Variants in SH3YL1 observed in about 807,000 individuals in gnomAD.
The protein encoded by SH3YL1 is SH3 and SYLF domain containing 1.
In SH3YL1, 41 loss-of-function variants were observed where a neutral mutation model predicts 45.8. The ratio of observed to expected loss-of-function variants is 0.89; its 90% CI spans 0.70 to 1.16. The LOEUF (loss-of-function observed/expected upper bound fraction) is 1.16. SH3YL1 is among the 50% of genes most tolerant of loss of function. SH3YL1 has a pLI of 0.00. For missense variants in SH3YL1, 389 were observed against 409.6 expected (o/e 0.95, Z 0.43); for synonymous variants, 152 against 151.4 (o/e 1.00, Z -0.03).
intron 1 of SH3YL1, chr2:260,970 T>A (rs1669566221): frequency 6.6e-6 from 1 of 152,208 alleles, no homozygotes; most frequent in Non-Finnish European, 1.5e-5. Context: ...ACCGCAAGAC[T>A]CATCCTAGAC....
In SH3YL1 at chr2:224,935, G is replaced by A. The variant is rs1667730655; in HGVS notation, c.782-15C>T. 1 of 1,605,616 alleles carries A rather than the reference G, an allele frequency of 6.2e-7. No individual in the cohort carries two copies. The highest frequency in any genetic ancestry group is 1.7e-4 in the Middle Eastern group (1 of 6,044). On this transcript the variant is annotated splice_polypyrimidine_tract_variant and intron_variant, in intron 8 of 9. Coordinates refer to ENST00000356150, the MANE Select transcript of SH3YL1 (RefSeq NM_015677.4). Reference sequence around the variant, plus strand: ...ATTTCTGTTACCTGCCAAAAAAGAGGAGAGTGGTGATTTTGAAAACTGATT... The same window carrying A: ...ATTTCTGTTACCTGCCAAAAAAGAGAAGAGTGGTGATTTTGAAAACTGATT...
At chr2:253,274 T>C (rs578099781) in intron 1 of SH3YL1, among the ~76,000 whole-genome samples, 159 bp from the exon 2 acceptor site, 1 of 152,204 alleles carries the variant, frequency 6.6e-6, no homozygotes, top group African/African-American at 2.4e-5. Flanking sequence ...TGAGACCTAC[T>C]GGGCTGCATT....
At chr2:242,188 G>A (rs1174265112) in intron 4 of SH3YL1, 1 of 151,918 alleles carries the variant, frequency 6.6e-6, no homozygotes, top group Non-Finnish European at 1.5e-5. Context: ...TGAATGAACA[G>A]AAACAATGGA....
chr2:253,417 TGAACGTGACC>T (rs1280547477), intron 1 of SH3YL1, among the ~76,000 whole-genome samples: 28 of 152,282 alleles, frequency 1.8e-4, no homozygotes, highest in East Asian at 7.7e-4. Flanking sequence ...AAGAAGGCAA[TGAACGTGACC>T]TCTGGTCATC....
At chr2:258,216 T>A (rs1206245193) in intron 1 of SH3YL1, among the ~76,000 whole-genome samples, 2 of 152,232 alleles carry the variant, frequency 1.3e-5, no homozygotes, top group Non-Finnish European at 2.9e-5. Flanking sequence ...ATAATAGGAA[T>A]AGTATTGAAT....
At chr2:251,663 G>A (rs963774498) in intron 2 of SH3YL1, among the ~76,000 whole-genome samples, 3 of 152,180 alleles carry the variant, frequency 2.0e-5, no homozygotes, top group Non-Finnish European at 2.9e-5. Flanking sequence ...AATGCAGACT[G>A]ATTTGTGACG....
chr2:243,645 G>A, intron 4 of SH3YL1: 5 of 1,439,764 alleles, frequency 3.5e-6, no homozygotes, highest in Middle Eastern at 3.6e-4. Context: ...TAAACTTTAA[G>A]CAACAGCCTT....
rs368537800 is a variant in SH3YL1 at position 242,712 on chromosome 2, T to C, written c.291+4826A>G. 24 of 1,414,564 alleles carry C rather than the reference T, an allele frequency of 1.7e-5. No individual in the cohort carries two copies. The East Asian group carries it at 3.4e-4, about 20-fold the overall frequency. 87.6% of individuals were successfully genotyped at this position (1,414,564 alleles called of 1,614,324 possible). On this transcript the variant is annotated intron_variant, in intron 4 of 9. Transcript: ENST00000356150. ...AACCAAATAAAAAGGCAGAGATTAT[T>C]AGCATGGATAAAACAACAATAACAA... is the stretch of plus-strand genomic sequence containing the variant.
At chr2:233,821 T>G (rs1668165098) in intron 5 of SH3YL1, among the ~76,000 whole-genome samples, 1 of 152,240 alleles carries the variant, frequency 6.6e-6, no homozygotes, top group African/African-American at 2.4e-5. Context: ...AAAAAAGCTC[T>G]TTCTTTCCTA....
chr2:250,440 G>A (rs1006328285), intron 2 of SH3YL1, among the ~76,000 whole-genome samples: 1 of 152,086 alleles, frequency 6.6e-6, no homozygotes, highest in African/African-American at 2.4e-5. Flanking sequence ...TTAGTACACT[G>A]ATAATATAAT....
intron 3 of SH3YL1, among the ~76,000 whole-genome samples, chr2:247,918 T>A (rs1393825721): frequency 3.3e-5 from 5 of 152,228 alleles, no homozygotes; most frequent in Non-Finnish European, 5.9e-5. Flanking sequence ...CTTGGTAACT[T>A]CAACTGTCAA....
At chr2:221,744 A>G (rs1572137274) in intron 9 of SH3YL1, among the ~76,000 whole-genome samples, 1 of 152,158 alleles carries the variant, frequency 6.6e-6, no homozygotes, top group South Asian at 2.1e-4. Context: ...GAGGAGTACA[A>G]GAGAGTCAGG....
upstream of SH3YL1, chr2:264,115 A>G (rs1669734760): frequency 7.9e-7 from 1 of 1,268,528 alleles, no homozygotes; most frequent in Non-Finnish European, 1.0e-6. Context: ...GCGGCGCAAA[A>G]CACCCGCCGT....
Position 234,270 on chromosome 2 carries a change from T to C in SH3YL1, c.294A>G (p.Val98=), listed in dbSNP as rs536776149. The C allele has an allele frequency of 1.2e-6, 2 of 1,606,944 alleles. No individual in the cohort carries two copies. The highest frequency in any genetic ancestry group is 1.1e-5 in the South Asian group (1 of 89,508). The change falls in exon 5 of 10, where the codon GTA becomes GTG. Residue 98 remains valine, a splice_region_variant and synonymous_variant. Transcript: ENST00000356150. ...AATTCAGAATTATCACCAAGTCTGA[T>C]ACCTAAAGTGTAGAAACCCATGGAT... is the stretch of plus-strand genomic sequence containing the variant. ...LGGGFEIGIE[V]SDLVIILNYD...
At chr2:262,806 C>T (rs949120013) in intron 1 of SH3YL1, 2 of 860,422 alleles carry the variant, frequency 2.3e-6, no homozygotes, top group Non-Finnish European at 3.1e-6. Context: ...ACAAAAGTAT[C>T]AAATCACTTT....
chr2:223,802 G>A (rs1027892512), intron 9 of SH3YL1, among the ~76,000 whole-genome samples: 1 of 152,078 alleles, frequency 6.6e-6, no homozygotes, highest in East Asian at 1.9e-4. Flanking sequence ...CCCGACCATC[G>A]CACCTGCTCT....
intron 9 of SH3YL1, among the ~76,000 whole-genome samples, chr2:220,188 C>CAATAATAATAAT (rs3976788): frequency 9.9e-4 from 143 of 144,576 alleles, no homozygotes; most frequent in Middle Eastern, 7.0e-3. Flanking sequence ...ACCCATAATA[C>CAATAATAATAAT]AATAATAATA....
At chr2:261,626 G>A (rs958188010) in intron 1 of SH3YL1, among the ~76,000 whole-genome samples, 4 of 152,240 alleles carry the variant, frequency 2.6e-5, no homozygotes, top group African/African-American at 9.6e-5. Context: ...GGTATTGATC[G>A]CAGTTCTATA....
chr2:229,458 G>A (rs1457883795), intron 8 of SH3YL1, among the ~76,000 whole-genome samples: 2 of 152,064 alleles, frequency 1.3e-5, no homozygotes, highest in African/African-American at 2.4e-5. Flanking sequence ...GGCCGGGCAC[G>A]GTGGCTCACG....
Sources: allele counts gnomAD v4.1 joint callset (sites outside exome capture counted in the v4.1 genomes callset), GRCh38; gene constraint gnomAD v4.1.1; transcripts MANE v1.5; gene names NCBI Gene and HGNC (gene_info 2026-07-23, HGNC 2026-07-21).